The following SPAG9 variants were observed in gnomAD, a reference collection of about 807,000 sequenced individuals.
The protein encoded by SPAG9 is C-Jun-amino-terminal kinase-interacting protein 4.
In SPAG9, 35 loss-of-function variants were observed where a neutral mutation model predicts 166.5. The ratio of observed to expected loss-of-function variants is 0.21; its 90% CI spans 0.16 to 0.28. SPAG9 has a LOEUF of 0.28. SPAG9 is among the 10% of genes least tolerant of loss of function. The pLI is 1.00. For synonymous variants in SPAG9, 534 were observed against 565.5 expected (o/e 0.94, Z 0.79); for missense variants, 1,235 against 1,603.3 (o/e 0.77, Z 3.92).
intron 21 of SPAG9, among the ~76,000 whole-genome samples, chr17:50,988,018 C>T (rs1274962599): frequency 1.3e-5 from 2 of 152,162 alleles, no homozygotes; most frequent in African/African-American, 4.8e-5. Context: ...GAGTTCAAGA[C>T]CAGCCTAGCC....
In SPAG9 at chr17:51,045,212, G is replaced by A. The variant is rs890358869; in HGVS notation, c.590+2163C>T. Among the ~76,000 whole-genome samples the A allele has an allele frequency of 3.9e-5, 6 of 152,052 alleles. No individual in the cohort carries two copies. In the East Asian group the frequency reaches 9.6e-4, roughly 24 times the overall value. On this transcript the variant is annotated intron_variant, in intron 4 of 29. Coordinates refer to ENST00000262013, the MANE Select transcript of SPAG9 (RefSeq NM_001130528.3). ...CTTGTTGTACCCACTTGCAGGCGCCGCACAGCAGCTCACGGCACTGCCCTC... is the reference window on the plus strand; with the variant it reads ...CTTGTTGTACCCACTTGCAGGCGCCACACAGCAGCTCACGGCACTGCCCTC...
At chr17:51,037,685 A>ATATATTGT in intron 5 of SPAG9, among the ~76,000 whole-genome samples, 2 of 83,492 alleles carry the variant, frequency 2.4e-5, no homozygotes, top group Non-Finnish European at 5.2e-5. Flanking sequence ...ATATATATAT[A>ATATATTGT]GTGTGTGTGT....
chr17:51,090,669 A>G (rs2048440385), intron 1 of SPAG9, among the ~76,000 whole-genome samples: 2 of 152,198 alleles, frequency 1.3e-5, no homozygotes, highest in Admixed American at 1.3e-4. Context: ...GGGTAATTAC[A>G]TTTTATAAAA....
At chr17:51,058,026 A>C (rs545798336) in intron 2 of SPAG9, among the ~76,000 whole-genome samples, 2 of 152,336 alleles carry the variant, frequency 1.3e-5, no homozygotes, top group East Asian at 3.9e-4. Flanking sequence ...AAAAGCTTAA[A>C]GGAATTCTGA....
chr17:51,073,470 A>G (rs35094785), intron 2 of SPAG9, among the ~76,000 whole-genome samples: 460 of 152,312 alleles, frequency 3.0e-3, no homozygotes, highest in Non-Finnish European at 4.0e-3. Flanking sequence ...CCTGGGCAAT[A>G]GAGCTGGAAT....
chr17:50,969,491 C>T (rs1422462947), intron 29 of SPAG9, among the ~76,000 whole-genome samples: 1 of 152,074 alleles, frequency 6.6e-6, no homozygotes, highest in African/African-American at 2.4e-5. Context: ...AGTCTTGAAC[C>T]TCCAGTCCAT....
At chr17:50,975,823 G>C in intron 27 of SPAG9, 2 of 1,483,956 alleles carry the variant, frequency 1.3e-6, no homozygotes, top group Non-Finnish European at 1.8e-6. Context: ...GTGGCTATTA[G>C]AAGCCAGGAA....
intron 19 of SPAG9, among the ~76,000 whole-genome samples, chr17:50,992,763 G>A (rs1975699519): frequency 6.6e-6 from 1 of 152,164 alleles, no homozygotes; most frequent in East Asian, 1.9e-4. Flanking sequence ...AGTACTTCGG[G>A]AGGACGAAGC....
chr17:51,084,768 T>C (rs2144661182), intron 1 of SPAG9, among the ~76,000 whole-genome samples: 1 of 152,214 alleles, frequency 6.6e-6, no homozygotes, highest in Middle Eastern at 3.4e-3. Context: ...TTAAAGAACA[T>C]ACAGCATTAT....
chr17:50,990,699 G>A, intron 19 of SPAG9, 31 bp from the exon 20 acceptor site: 1 of 1,552,410 alleles, frequency 6.4e-7, no homozygotes. Context: ...TAACAGCAAA[G>A]TAAACTTCTA....
intron 2 of SPAG9, among the ~76,000 whole-genome samples, chr17:51,058,085 CATT>C (rs1044078959): frequency 8.5e-5 from 13 of 152,110 alleles, no homozygotes; most frequent in African/African-American, 3.1e-4. Flanking sequence ...CTTTTTGAAT[CATT>C]ATTTTCTTGA....
intron 4 of SPAG9, 70 bp downstream of exon 4, chr17:51,047,305 A>G: frequency 2.2e-6 from 2 of 890,370 alleles, no homozygotes; most frequent in Non-Finnish European, 3.5e-6. Flanking sequence ...ATTAAAGAAC[A>G]GAGAAAAACA....
chr17:51,092,329 GGAAAAAAA>G (rs2048488475), intron 1 of SPAG9, among the ~76,000 whole-genome samples: 1 of 119,116 alleles, frequency 8.4e-6, no homozygotes, highest in South Asian at 3.0e-4. Flanking sequence ...TGTCAAGTGG[GGAAAAAAA>G]GAAAAAAAGA....
At chr17:51,111,455 G>A (rs566186553) in intron 1 of SPAG9, among the ~76,000 whole-genome samples, 2 of 152,268 alleles carry the variant, frequency 1.3e-5, no homozygotes, top group Non-Finnish European at 2.9e-5. Context: ...CAAGAAGCAG[G>A]AATCCTGTAC....
At chr17:51,044,478 G>C (rs1235968709) in intron 4 of SPAG9, among the ~76,000 whole-genome samples, 1 of 152,084 alleles carries the variant, frequency 6.6e-6, no homozygotes. Context: ...GTTAGCTTAT[G>C]TATATAAATA....
At position 50,995,734 on chromosome 17, in the gene SPAG9, TCAC is replaced by T. The variant is rs568260299; in HGVS notation, c.1969-204_1969-202del. The T allele has an allele frequency of 5.6e-4, 297 of 532,454 alleles. 1 individual carries two copies. Among genetic ancestry groups the T allele is most frequent in the African/African-American group, 5.2e-3 (269 of 51,624 alleles). The allele number at this position is 532,454 out of a possible 1,614,324, so 33.0% of individuals were successfully genotyped here. ...TAGAGTGCAGTGGCTTGATCATGGC[TCAC>T]TGCAGCCTCAATCTGTCAGGCTTAA... On this transcript the variant is annotated intron_variant, in intron 16 of 29. Transcript: ENST00000262013.
rs192221732 is a variant in SPAG9, at chr17:51,102,508, T to C, written c.303+17846A>G. Among the ~76,000 whole-genome samples the C allele has an allele frequency of 1.6e-4, 23 of 146,974 alleles. 1 individual carries two copies. In the South Asian group the frequency reaches 4.7e-3, roughly 30 times the overall value. On this transcript the variant is annotated intron_variant, in intron 1 of 29. Transcript: ENST00000262013. Reference sequence around the variant, plus strand: ...CACTTAATCTTCATTTGTATGGAAATTTTTTTTTTTTGAGGTGGAGTCTCG... The same window carrying C: ...CACTTAATCTTCATTTGTATGGAAACTTTTTTTTTTTGAGGTGGAGTCTCG...
chr17:51,021,288 T>A lies in SPAG9; in HGVS notation c.861A>T (p.Thr287=). ...CCTTTAAGGGAGTATCAGTAGGAAT[T>A]GTTGCCACATCTGAATTAGCTGTTG... The part of the protein sequence containing the change: ...PASTANSDVA[T]IPTDTPLKEE... Residue 287 remains threonine (T), a synonymous_variant, in exon 7 of 30, where the codon ACA becomes ACT. Coordinates refer to ENST00000262013, the MANE Select transcript of SPAG9 (RefSeq NM_001130528.3). 1.2e-6 allele frequency: 2 copies of A among 1,614,160 alleles called. No individual in the cohort carries two copies. Among genetic ancestry groups the A allele is most frequent in the Non-Finnish European group, 1.7e-6 (2 of 1,180,002 alleles).
intron 1 of SPAG9, among the ~76,000 whole-genome samples, chr17:51,095,013 A>G (rs144166203): frequency 0.013 from 1,994 of 152,296 alleles, 18 homozygotes; most frequent in South Asian, 0.034. Flanking sequence ...AGTGGTGGCC[A>G]GGCTGGGCGC....
Sources: allele counts gnomAD v4.1 joint callset (sites outside exome capture counted in the v4.1 genomes callset), GRCh38; gene constraint gnomAD v4.1.1; transcripts MANE v1.5; gene names NCBI Gene and HGNC (gene_info 2026-07-23, HGNC 2026-07-21).